The following GET1 variants were observed in gnomAD, a reference collection of about 807,000 sequenced individuals.
The protein encoded by GET1 is guided entry of tail-anchored proteins factor 1, also known as congenital heart disease 5 protein.
A neutral mutation model predicts 22.6 loss-of-function variants in GET1; 20 were observed. The ratio of observed to expected loss-of-function variants is 0.89; its 90% CI spans 0.62 to 1.29. The LOEUF is 1.29. GET1 is among the 50% of genes most tolerant of loss of function. GET1 has a pLI of 0.00. For missense variants in GET1, 209 were observed against 219.9 expected (o/e 0.95, Z 0.31); for synonymous variants, 92 against 83.8 (o/e 1.10, Z -0.53).
intron 1 of GET1, among the ~76,000 whole-genome samples, chr21:39,388,873 G>T (rs2038104550): frequency 1.3e-5 from 2 of 152,180 alleles, no homozygotes; most frequent in East Asian, 1.9e-4. Context: ...GGGCCTGCGG[G>T]GGCTGCGCAG....
chr21:39,405,934 T>G (rs896046023), exon 5 of GET1: 2 of 1,612,254 alleles, frequency 1.2e-6, no homozygotes, highest in African/African-American at 2.7e-5. Context: ...CTTAATAGAA[T>G]TTACCACAGT....
At chr21:39,393,067 A>G (rs1303073366) in intron 3 of GET1, 99 bp from the exon 4 acceptor site, 2 of 991,210 alleles carry the variant, frequency 2.0e-6, no homozygotes, top group Non-Finnish European at 3.1e-6. Context: ...CAGTCTGGAG[A>G]GTTTTCCTGG....
intron 1 of GET1, among the ~76,000 whole-genome samples, chr21:39,389,062 GCCTT>G (rs533956805): frequency 2.6e-5 from 4 of 151,940 alleles, no homozygotes; most frequent in African/African-American, 9.7e-5. Context: ...CTGCCTGCCT[GCCTT>G]CCTTCCTTCC....
rs1035937957 is a variant in GET1 at position 39,397,048 on chromosome 21, A to T, written c.*109A>T. 1.2e-5 allele frequency: 13 copies of T among 1,067,274 alleles called. No homozygotes were observed. In the African/African-American group the frequency reaches 1.6e-4, roughly 13 times the overall value. The allele number at this position is 1,067,274 out of a possible 1,614,324, so 66.1% of individuals were successfully genotyped here. A position where few individuals can be genotyped will look rare whatever the true frequency, so the allele number is the denominator to read the frequency against. ...TAAGAAACAAAAGTGCATAGTTTAG[A>T]TTTTTTTTTTGTTGAATATGTTTGT... is the stretch of plus-strand genomic sequence containing the variant. On this transcript the variant is annotated 3_prime_UTR_variant, in exon 5 of 5. Transcript: ENST00000649170.
downstream of GET1, among the ~76,000 whole-genome samples, chr21:39,398,598 T>A (rs1015112645): frequency 6.6e-6 from 1 of 151,282 alleles, no homozygotes; most frequent in Non-Finnish European, 1.5e-5. Flanking sequence ...TGTGTTTTTT[T>A]AGAAATTATA....
exon 5 of GET1, chr21:39,406,496 C>G (rs1316895846): frequency 1.2e-6 from 2 of 1,613,552 alleles, no homozygotes; most frequent in Non-Finnish European, 1.7e-6. Flanking sequence ...GGTGGTAGTT[C>G]TTGCTCTTCT....
intron 2 of GET1, chr21:39,391,071 G>A: frequency 2.3e-6 from 1 of 433,584 alleles, no homozygotes; most frequent in Non-Finnish European, 4.0e-6. Context: ...AAATATCTAA[G>A]ATCCTCTCAG....
At chr21:39,387,990 TAC>T (rs1246769226) in intron 1 of GET1, 1 of 398,152 alleles carries the variant, frequency 2.5e-6, no homozygotes, top group Non-Finnish European at 3.4e-6. Context: ...AAAAGTTATA[TAC>T]AGTCAATACC....
intron 1 of GET1, among the ~76,000 whole-genome samples, chr21:39,381,658 C>A (rs953408660): frequency 2.6e-5 from 4 of 152,198 alleles, no homozygotes; most frequent in South Asian, 2.1e-4. Flanking sequence ...TTGTAAAATA[C>A]ACATAATATG....
chr21:39,405,844 T>G, intron 4 of GET1: 1 of 1,427,942 alleles, frequency 7.0e-7, no homozygotes, highest in Non-Finnish European at 9.4e-7. Context: ...ATAAGCAGCA[T>G]TATATCAAAC....
downstream of GET1, among the ~76,000 whole-genome samples, chr21:39,398,839 A>G (rs2038766938): frequency 6.6e-6 from 1 of 151,956 alleles, no homozygotes; most frequent in African/African-American, 2.4e-5. Context: ...TCCTGACCTC[A>G]GCTGATCCAC....
At position 39,390,747 on chromosome 21, in the gene GET1, C is replaced by A; in HGVS notation, c.152C>A (p.Ala51Glu). Residue 51 changes from alanine (A) to glutamate (E), a missense_variant, in exon 2 of 5, where the codon GCG becomes GAG. By Grantham distance (107) the Ala-to-Glu change is moderately radical. Transcript: ENST00000649170. ...GCGGAGCAGGAGTCACAGATGAGAG[C>A]GGAGATCCAGGACATGAAGCAGGAG... Reference protein sequence around the residue: ...KDAEQESQMRAEIQDMKQELS... With the variant: ...KDAEQESQMREEIQDMKQELS... 1 of 1,614,088 alleles carries A rather than the reference C, an allele frequency of 6.2e-7. No homozygotes were observed.
At chr21:39,410,269 T>C (rs756574527), downstream of GET1, 4 of 1,592,108 alleles carry the variant, frequency 2.5e-6, no homozygotes, top group Non-Finnish European at 3.4e-6. Flanking sequence ...TGTACCTTAG[T>C]TGTCAAAGGT....
downstream of GET1, among the ~76,000 whole-genome samples, chr21:39,398,591 GT>G (rs892915585): frequency 8.9e-5 from 13 of 146,734 alleles, no homozygotes; most frequent in Admixed American, 7.5e-4. Context: ...ACATTATTGT[GT>G]TTTTTTAGAA....
chr21:39,391,851 G>A lies in GET1; in HGVS notation c.336+15G>A, dbSNP rs745918947. 6.2e-7 allele frequency: 1 copy of A among 1,614,042 alleles called. No homozygotes were observed. The highest frequency in any genetic ancestry group is 1.1e-5 in the South Asian group (1 of 91,084). ...ACGTATTGCAGGTAAGTGTGCTAGA[G>A]CGTCAGCCGGGTCATTGGAGTTGGT... On this transcript the variant is annotated intron_variant, in intron 3 of 4. Coordinates refer to ENST00000649170, the MANE Select transcript of GET1 (RefSeq NM_004627.6).
At chr21:39,395,391 G>T (rs531761929) in intron 4 of GET1, among the ~76,000 whole-genome samples, 9 of 150,510 alleles carry the variant, frequency 6.0e-5, no homozygotes, top group Non-Finnish European at 1.3e-4. Flanking sequence ...TTAAGACCGA[G>T]TCTCACTCTG....
At chr21:39,411,849 T>C (rs2040135888) in intron 1 of GET1, 1 of 1,057,416 alleles carries the variant, frequency 9.5e-7, no homozygotes, top group Non-Finnish European at 1.4e-6. Context: ...CTTGCTTTTG[T>C]CAACCCTGAT....
chr21:39,424,572 A>T (rs1344832136), intron 1 of GET1, among the ~76,000 whole-genome samples: 2 of 152,252 alleles, frequency 1.3e-5, no homozygotes, highest in Non-Finnish European at 2.9e-5. Flanking sequence ...TCTGTAGATT[A>T]TCTGATGTAA....
intron 3 of GET1, 167 bp from the exon 4 acceptor site, chr21:39,392,999 G>C: frequency 1.7e-6 from 1 of 574,044 alleles, no homozygotes; most frequent in Non-Finnish European, 3.1e-6. Flanking sequence ...AGGGACATTA[G>C]TGGCTGTGCG....
Sources: allele counts gnomAD v4.1 joint callset (sites outside exome capture counted in the v4.1 genomes callset), GRCh38; gene constraint gnomAD v4.1.1; transcripts MANE v1.5; gene names NCBI Gene and HGNC (gene_info 2026-07-23, HGNC 2026-07-21).